Variants in STXBP5L observed in about 807,000 individuals in gnomAD.
The protein encoded by STXBP5L is syntaxin binding protein 5L, also known as syntaxin-binding protein 5-like.
STXBP5L carries 65 observed loss-of-function variants against 144.5 expected under a neutral mutation model. The observed-to-expected ratio is 0.45, with a 90% CI of 0.37 to 0.55. STXBP5L has a LOEUF of 0.55. STXBP5L is among the 20% of genes least tolerant of loss of function. The probability of loss-of-function intolerance (pLI) is 0.00; values close to 1 mark genes in which losing one functional copy is unlikely to be tolerated. For synonymous variants in STXBP5L, 505 were observed against 469.6 expected, an observed-to-expected ratio of 1.08 and a Z score of -0.97; for missense variants, 1,298 against 1,405.5, an observed-to-expected ratio of 0.92 and a Z score of 1.22.
At chr3:121,002,464 A>G (rs952418300) in intron 3 of STXBP5L, among the ~76,000 whole-genome samples, 2 of 152,146 alleles carry the variant, frequency 1.3e-5, no homozygotes, top group African/African-American at 4.8e-5. Flanking sequence ...TATGGTTTGC[A>G]AATAAATATG....
intron 8 of STXBP5L, among the ~76,000 whole-genome samples, chr3:121,153,606 C>T (rs963172854): frequency 1.3e-5 from 2 of 151,950 alleles, no homozygotes; most frequent in African/African-American, 4.8e-5. Flanking sequence ...TACATGTTCT[C>T]TCCCATCCCC....
chr3:121,203,686 A>G (rs2048225239), intron 9 of STXBP5L, among the ~76,000 whole-genome samples: 1 of 152,338 alleles, frequency 6.6e-6, no homozygotes, highest in Non-Finnish European at 1.5e-5. Flanking sequence ...AAGTAATTAT[A>G]TAATTATTCT....
intron 3 of STXBP5L, among the ~76,000 whole-genome samples, chr3:120,966,074 T>G (rs1164486765): frequency 6.6e-6 from 1 of 152,214 alleles, no homozygotes; most frequent in Non-Finnish European, 1.5e-5. Context: ...TCGAATCAGC[T>G]TTTGAAGCTT....
chr3:121,239,600 T>C (rs1446765881), intron 13 of STXBP5L, among the ~76,000 whole-genome samples: 1 of 149,678 alleles, frequency 6.7e-6, no homozygotes, highest in Non-Finnish European at 1.5e-5. Flanking sequence ...CAGTAAACTA[T>C]CGCAAGAACA....
chr3:121,178,694 G>A (rs1209498450), intron 9 of STXBP5L, among the ~76,000 whole-genome samples: 1 of 152,078 alleles, frequency 6.6e-6, no homozygotes, highest in Non-Finnish European at 1.5e-5. Flanking sequence ...ACCTTACCTG[G>A]AGCTGGAATG....
intron 3 of STXBP5L, among the ~76,000 whole-genome samples, chr3:120,990,618 G>A (rs2107956613): frequency 6.6e-6 from 1 of 151,934 alleles, no homozygotes; most frequent in South Asian, 2.1e-4. Flanking sequence ...CATGGTACTG[G>A]TACCAAAACA....
chr3:120,937,898 G>C (rs1420666232), intron 2 of STXBP5L, among the ~76,000 whole-genome samples: 1 of 152,032 alleles, frequency 6.6e-6, no homozygotes, highest in Non-Finnish European at 1.5e-5. Context: ...CACAATAATA[G>C]GGGCATAAGT....
chr3:120,965,884 G>T (rs941533351), intron 3 of STXBP5L, among the ~76,000 whole-genome samples: 7 of 152,090 alleles, frequency 4.6e-5, no homozygotes, highest in African/African-American at 1.4e-4. Flanking sequence ...CCAACTTGGT[G>T]CCATTCTCCC....
chr3:121,340,212 A>G (rs2044657881), intron 20 of STXBP5L, among the ~76,000 whole-genome samples: 2 of 152,180 alleles, frequency 1.3e-5, no homozygotes, highest in Admixed American at 1.3e-4. Flanking sequence ...AGATACGTAG[A>G]CCAATAGAAC....
At chr3:121,312,909 C>A (rs904887506) in intron 19 of STXBP5L, among the ~76,000 whole-genome samples, 3 of 152,218 alleles carry the variant, frequency 2.0e-5, no homozygotes, top group Non-Finnish European at 4.4e-5. Flanking sequence ...CTTTCCCCAC[C>A]CTTCCCGCCT....
At chr3:120,909,415 A>G (rs1294352678) in intron 1 of STXBP5L, among the ~76,000 whole-genome samples, 156 bp from the exon 2 acceptor site, 1 of 152,192 alleles carries the variant, frequency 6.6e-6, no homozygotes, top group Non-Finnish European at 1.5e-5. Context: ...AAAATTTGGC[A>G]AAACGAATCC....
In STXBP5L at chr3:121,083,926, A is replaced by G. The variant is rs372394532; in HGVS notation, c.471-30999A>G. ...TTTTCAAAGCTGCATGGTCTGTAGCAATACTCATTGTTTCATTCCTGATGT... is the reference window on the plus strand; with the variant it reads ...TTTTCAAAGCTGCATGGTCTGTAGCGATACTCATTGTTTCATTCCTGATGT... On this transcript the variant is annotated intron_variant, in intron 5 of 26. Transcript: ENST00000471454. 5.3e-5 allele frequency among the ~76,000 whole-genome samples: 8 copies of G among 152,186 alleles called. No homozygotes were observed. The East Asian group carries it at 7.7e-4, about 15-fold the overall frequency.
intron 3 of STXBP5L, among the ~76,000 whole-genome samples, chr3:121,005,704 C>A (rs1944233563): frequency 6.6e-6 from 1 of 152,206 alleles, no homozygotes; most frequent in Non-Finnish European, 1.5e-5. Context: ...TATAAATTTC[C>A]CTCTACACAC....
At chr3:121,183,703 G>T (rs75524658) in intron 9 of STXBP5L, among the ~76,000 whole-genome samples, 1 of 151,964 alleles carries the variant, frequency 6.6e-6, no homozygotes, top group Non-Finnish European at 1.5e-5. Flanking sequence ...GAAGGGCAAG[G>T]AAACGAAAGC....
At chr3:121,004,652 G>T (rs1358418096) in intron 3 of STXBP5L, among the ~76,000 whole-genome samples, 3 of 152,018 alleles carry the variant, frequency 2.0e-5, no homozygotes, top group Non-Finnish European at 4.4e-5. Flanking sequence ...AATGCTTCCA[G>T]TTTTTGCCCA....
At chr3:121,030,882 A>G (rs1946319591) in intron 3 of STXBP5L, among the ~76,000 whole-genome samples, 1 of 152,122 alleles carries the variant, frequency 6.6e-6, no homozygotes, top group South Asian at 2.1e-4. Context: ...CTCCTCAAAA[A>G]AGAAAGGGAG....
intron 3 of STXBP5L, among the ~76,000 whole-genome samples, chr3:120,960,548 A>G (rs755849520): frequency 9.9e-5 from 15 of 152,126 alleles, no homozygotes; most frequent in Non-Finnish European, 2.2e-4. Flanking sequence ...AGAAAATATG[A>G]CACATATACA....
At chr3:121,010,606 G>T (rs1157754654) in intron 3 of STXBP5L, among the ~76,000 whole-genome samples, 5 of 151,814 alleles carry the variant, frequency 3.3e-5, no homozygotes, top group East Asian at 3.9e-4. Context: ...TCAAAAGCCT[G>T]TGTACAACTT....
intron 19 of STXBP5L, among the ~76,000 whole-genome samples, chr3:121,284,044 A>G (rs2051151203): frequency 6.6e-6 from 1 of 152,010 alleles, no homozygotes; most frequent in African/African-American, 2.4e-5. Flanking sequence ...AAGAAGCTAA[A>G]TTGGAGACTG....
Sources: gnomAD v4.1 joint callset for allele counts (sites outside exome capture counted in the v4.1 genomes callset) on GRCh38, gnomAD v4.1.1 for gene constraint, MANE v1.5 for transcripts, NCBI Gene and HGNC (gene_info 2026-07-23, HGNC 2026-07-21) for gene names.